The following ARL15 variants were observed in gnomAD, a reference collection of about 807,000 sequenced individuals.
The protein encoded by ARL15 is ARF like GTPase 15.
Under a neutral mutation model 25.2 loss-of-function variants are expected in ARL15, and 19 were observed. That is an observed-to-expected ratio of 0.75 (90% confidence interval 0.53 to 1.10). The LOEUF (loss-of-function observed/expected upper bound fraction) is 1.10. Ranked by LOEUF, ARL15 falls within the 50% of genes least tolerant of loss-of-function variation. The pLI is 0.00. For synonymous variants in ARL15, 94 were observed against 86.8 expected (o/e 1.08, Z -0.46); for missense variants, 220 against 246.0 (o/e 0.89, Z 0.71).
intron 3 of ARL15, among the ~76,000 whole-genome samples, chr5:54,140,457 T>TAG (rs1753740797): frequency 3.6e-5 from 5 of 137,484 alleles, no homozygotes; most frequent in Admixed American, 3.2e-4. Context: ...GATAGATAGA[T>TAG]AGATAGATAG....
At chr5:54,268,053 TG>T (rs1757675244) in intron 1 of ARL15, among the ~76,000 whole-genome samples, 1 of 152,074 alleles carries the variant, frequency 6.6e-6, no homozygotes, top group African/African-American at 2.4e-5. Flanking sequence ...GATAATATCC[TG>T]CAGAGTGTTT....
chr5:53,970,819 T>C (rs997021395), intron 4 of ARL15, among the ~76,000 whole-genome samples: 3 of 152,226 alleles, frequency 2.0e-5, no homozygotes, highest in African/African-American at 7.2e-5. Context: ...AAGGGATTAA[T>C]TGGAATGATC....
intron 4 of ARL15, among the ~76,000 whole-genome samples, chr5:53,931,685 A>G (rs1025602280): frequency 1.4e-4 from 22 of 152,220 alleles, no homozygotes; most frequent in African/African-American, 4.6e-4. Context: ...CTTTTCCTAC[A>G]TAGTACATTG....
At chr5:53,987,172 T>C (rs945071343) in intron 4 of ARL15, among the ~76,000 whole-genome samples, 1 of 152,212 alleles carries the variant, frequency 6.6e-6, no homozygotes, top group African/African-American at 2.4e-5. Flanking sequence ...GCCCAAGTTA[T>C]GTTTTGAAAA....
intron 1 of ARL15, among the ~76,000 whole-genome samples, chr5:54,238,748 T>C (rs2112570751): frequency 1.3e-5 from 2 of 152,304 alleles, no homozygotes; most frequent in South Asian, 4.1e-4. Context: ...GTTGTTGTAA[T>C]AAAGAATGTA....
chr5:53,940,329 G>C lies in ARL15; in HGVS notation c.463-53616C>G, dbSNP rs527675079. ...GCTATGATACTGCTTAATTCCCATAGGCATGTAGCAAATTTGTATTTTCTT... is the reference window on the plus strand; with the variant it reads ...GCTATGATACTGCTTAATTCCCATACGCATGTAGCAAATTTGTATTTTCTT... On this transcript the variant is annotated intron_variant, in intron 4 of 4. Coordinates refer to ENST00000504924, the MANE Select transcript of ARL15 (RefSeq NM_019087.3). Among the ~76,000 whole-genome samples, 6 of 152,102 alleles carry C rather than the reference G, an allele frequency of 3.9e-5. No homozygotes were observed. The East Asian group carries it at 1.2e-3, about 29-fold the overall frequency.
chr5:54,264,369 A>G (rs1378002655), intron 1 of ARL15, among the ~76,000 whole-genome samples: 1 of 152,176 alleles, frequency 6.6e-6, no homozygotes, highest in Non-Finnish European at 1.5e-5. Flanking sequence ...TACAATGACT[A>G]TAATACTTCA....
chr5:54,050,108 C>T (rs148963001), intron 4 of ARL15, among the ~76,000 whole-genome samples: 1 of 152,104 alleles, frequency 6.6e-6, no homozygotes, highest in Non-Finnish European at 1.5e-5. Flanking sequence ...TATGTGACAA[C>T]GAAGAATTCA....
At chr5:54,176,512 T>A (rs1017019685) in intron 1 of ARL15, among the ~76,000 whole-genome samples, 16 of 152,174 alleles carry the variant, frequency 1.1e-4, no homozygotes, top group African/African-American at 3.9e-4. Flanking sequence ...TGTACCAAAG[T>A]TCATTGTGTG....
At chr5:54,254,253 T>C (rs1757310652) in intron 1 of ARL15, among the ~76,000 whole-genome samples, 1 of 152,226 alleles carries the variant, frequency 6.6e-6, no homozygotes, top group Admixed American at 6.5e-5. Flanking sequence ...AAGAAGATTG[T>C]TGTCAATTTC....
At chr5:54,243,275 T>C (rs1451853579) in intron 1 of ARL15, among the ~76,000 whole-genome samples, 4 of 152,206 alleles carry the variant, frequency 2.6e-5, no homozygotes, top group Non-Finnish European at 5.9e-5. Flanking sequence ...GAAAATATGC[T>C]GCTAAACCTT....
At chr5:54,053,984 T>C (rs1393717739) in intron 4 of ARL15, among the ~76,000 whole-genome samples, 1 of 152,224 alleles carries the variant, frequency 6.6e-6, no homozygotes, top group African/African-American at 2.4e-5. Context: ...AAAATGGGTA[T>C]GGGATACACA....
chr5:53,915,207 G>C (rs1745599837), intron 4 of ARL15, among the ~76,000 whole-genome samples: 2 of 152,216 alleles, frequency 1.3e-5, no homozygotes, highest in South Asian at 2.1e-4. Context: ...AAACTACTAG[G>C]GGGAGGAGAT....
At position 54,154,640 on chromosome 5, in the gene ARL15, C is replaced by T. The variant is rs1754168914; in HGVS notation, c.194-1G>A. On this transcript the variant is annotated splice_acceptor_variant, in intron 2 of 4. Transcript: ENST00000504924. LOFTEE classifies it high-confidence loss of function. ...AATGGCACTGCTTTAATACTAAAAC[C>T]TAAAATTAGAAAACAAAAACATAAA... 1.3e-6 allele frequency: 2 copies of T among 1,505,482 alleles called. No individual in the cohort carries two copies. Among genetic ancestry groups the T allele is most frequent in the African/African-American group, 1.4e-5 (1 of 70,122 alleles). 93.3% of individuals were successfully genotyped at this position (1,505,482 alleles called of 1,614,324 possible). A position where few individuals can be genotyped will look rare whatever the true frequency, so the allele number is the denominator to read the frequency against.
At chr5:54,066,884 C>T (rs887780983) in intron 4 of ARL15, among the ~76,000 whole-genome samples, 8 of 151,984 alleles carry the variant, frequency 5.3e-5, no homozygotes, top group Admixed American at 2.0e-4. Context: ...AAAGCATAAT[C>T]GCCAACATAG....
chr5:53,953,535 T>C (rs1156791521), intron 4 of ARL15, among the ~76,000 whole-genome samples: 1 of 152,122 alleles, frequency 6.6e-6, no homozygotes, highest in Non-Finnish European at 1.5e-5. Flanking sequence ...TTACGCAAAA[T>C]TTAACCAACT....
At chr5:54,195,287 C>T (rs1463979477) in intron 1 of ARL15, among the ~76,000 whole-genome samples, 4 of 152,046 alleles carry the variant, frequency 2.6e-5, no homozygotes, top group African/African-American at 9.7e-5. Flanking sequence ...AATGAAAATA[C>T]AGAAAAAAAT....
chr5:54,084,442 A>T (rs1373469931), intron 4 of ARL15, among the ~76,000 whole-genome samples: 1 of 149,488 alleles, frequency 6.7e-6, no homozygotes, highest in East Asian at 1.9e-4. Context: ...AAAAAAAGAG[A>T]GACTGTAACT....
At chr5:54,022,776 TC>T (rs570697474) in intron 4 of ARL15, among the ~76,000 whole-genome samples, 5 of 152,166 alleles carry the variant, frequency 3.3e-5, no homozygotes, top group Admixed American at 6.5e-5. Context: ...GTGCCTTTTC[TC>T]CTGTTAATCT....
Sources: gnomAD v4.1 joint callset for allele counts (sites outside exome capture counted in the v4.1 genomes callset) on GRCh38, gnomAD v4.1.1 for gene constraint, MANE v1.5 for transcripts, NCBI Gene and HGNC (gene_info 2026-07-23, HGNC 2026-07-21) for gene names.